The following SMYD3 variants were observed in gnomAD, a reference collection of about 807,000 sequenced individuals.
SMYD3 encodes SET and MYND domain containing 3.
SMYD3 carries 36 observed loss-of-function variants against 57.7 expected under a neutral mutation model. The ratio of observed to expected loss-of-function variants is 0.62; its 90% CI spans 0.48 to 0.82. The LOEUF (loss-of-function observed/expected upper bound fraction) is 0.82. Ranked by LOEUF, SMYD3 falls within the 40% of genes least tolerant of loss-of-function variation. The probability of loss-of-function intolerance (pLI) is 0.00; values close to 1 mark genes in which losing one functional copy is unlikely to be tolerated. For missense variants in SMYD3, 515 were observed against 538.8 expected, an observed-to-expected ratio of 0.96 and a Z score of 0.44; for synonymous variants, 211 against 195.0, an observed-to-expected ratio of 1.08 and a Z score of -0.68.
intron 5 of SMYD3, among the ~76,000 whole-genome samples, chr1:246,323,390 T>TA (rs1248468365): frequency 2.0e-5 from 3 of 152,028 alleles, no homozygotes; most frequent in African/African-American, 7.3e-5. Context: ...ATTTTCCAGG[T>TA]AAAATTAAGG....
chr1:246,140,605 C>T (rs1229120747), intron 5 of SMYD3, among the ~76,000 whole-genome samples: 1 of 152,002 alleles, frequency 6.6e-6, no homozygotes, highest in African/African-American at 2.4e-5. Context: ...GAAGGAAATG[C>T]TATTTATTTA....
chr1:245,777,267 C>T (rs757272548), intron 10 of SMYD3, among the ~76,000 whole-genome samples: 3 of 152,076 alleles, frequency 2.0e-5, no homozygotes, highest in Non-Finnish European at 2.9e-5. Flanking sequence ...CTTATTCAAG[C>T]AGACTCTGGT....
At chr1:246,440,762 T>C (rs2067450433) in intron 1 of SMYD3, among the ~76,000 whole-genome samples, 1 of 152,136 alleles carries the variant, frequency 6.6e-6, no homozygotes, top group Non-Finnish European at 1.5e-5. Context: ...ACTGTGAGCT[T>C]TCACAGAAAG....
At chr1:246,022,701 T>C (rs1269166753) in intron 5 of SMYD3, among the ~76,000 whole-genome samples, 1 of 152,220 alleles carries the variant, frequency 6.6e-6, no homozygotes, top group Non-Finnish European at 1.5e-5. Flanking sequence ...GTATAACTAA[T>C]ATAACTCTGC....
chr1:245,937,666 C>A (rs1021359260), intron 5 of SMYD3, among the ~76,000 whole-genome samples: 1 of 152,214 alleles, frequency 6.6e-6, no homozygotes. Context: ...TCACATCTAC[C>A]AATTTCATTT....
At chr1:245,798,714 C>G (rs991646014) in intron 10 of SMYD3, among the ~76,000 whole-genome samples, 1 of 152,122 alleles carries the variant, frequency 6.6e-6, no homozygotes, top group Non-Finnish European at 1.5e-5. Context: ...CCTGTGCCTC[C>G]TGTTGCTCCC....
At chr1:245,999,880 T>TG (rs2059006613) in intron 5 of SMYD3, among the ~76,000 whole-genome samples, 1 of 152,236 alleles carries the variant, frequency 6.6e-6, no homozygotes, top group Non-Finnish European at 1.5e-5. Context: ...AATGACTTAC[T>TG]TTGCTTACTT....
intron 5 of SMYD3, among the ~76,000 whole-genome samples, chr1:246,255,933 GATAGATAGATAGATAGATAGATA>G (rs2063879996): frequency 3.4e-5 from 4 of 117,990 alleles, no homozygotes; most frequent in African/African-American, 6.0e-5. Context: ...TAATAAGATA[GATAGATAGATAGATAGATAGATA>G]GATAGATAGA....
chr1:245,972,923 C>T (rs934740847), intron 5 of SMYD3, among the ~76,000 whole-genome samples: 5 of 152,160 alleles, frequency 3.3e-5, no homozygotes, highest in South Asian at 2.1e-4. Flanking sequence ...CCCTTTGTTA[C>T]GAGAACCTGG....
intron 1 of SMYD3, among the ~76,000 whole-genome samples, chr1:246,410,344 C>G (rs1314434585): frequency 6.6e-6 from 1 of 151,980 alleles, no homozygotes; most frequent in Non-Finnish European, 1.5e-5. Context: ...AGATACGTCC[C>G]ATCAATACCT....
chr1:246,079,999 G>A lies in SMYD3; in HGVS notation c.532-150062C>T, dbSNP rs559856160. ...TAAGGAAAATTTCAATCTGTGTGAA[G>A]AAGAGAAGGCTTTAATTTTTCAACC... On this transcript the variant is annotated intron_variant, in intron 5 of 11. Coordinates refer to ENST00000490107, the MANE Select transcript of SMYD3 (RefSeq NM_001167740.2). Among the ~76,000 whole-genome samples, 77 of 152,306 alleles carry A rather than the reference G, an allele frequency of 5.1e-4. 2 individuals carry two copies. The South Asian group carries it at 0.015, about 29-fold the overall frequency.
intron 5 of SMYD3, among the ~76,000 whole-genome samples, chr1:245,986,625 C>T (rs764836337): frequency 1.8e-4 from 28 of 152,122 alleles, no homozygotes; most frequent in Non-Finnish European, 3.1e-4. Flanking sequence ...TCTTCAGTGA[C>T]GGTTTTACTG....
intron 8 of SMYD3, among the ~76,000 whole-genome samples, chr1:245,905,279 C>G (rs985257250): frequency 6.6e-6 from 1 of 152,036 alleles, no homozygotes; most frequent in East Asian, 1.9e-4. Context: ...AGAATGGGTT[C>G]CTGGGGTCCC....
At chr1:245,954,717 A>G (rs540624277) in intron 5 of SMYD3, among the ~76,000 whole-genome samples, 1 of 152,248 alleles carries the variant, frequency 6.6e-6, no homozygotes, top group South Asian at 2.1e-4. Context: ...TTTATTCCAA[A>G]TTCATGTGCT....
intron 10 of SMYD3, among the ~76,000 whole-genome samples, chr1:245,793,279 A>G (rs960009719): frequency 1.3e-5 from 2 of 151,926 alleles, no homozygotes; most frequent in South Asian, 2.1e-4. Flanking sequence ...ACTGCACTCC[A>G]GCTTGGGCGA....
At chr1:246,446,033 C>A (rs2067546983) in intron 1 of SMYD3, among the ~76,000 whole-genome samples, 1 of 152,194 alleles carries the variant, frequency 6.6e-6, no homozygotes, top group African/African-American at 2.4e-5. Context: ...TACTTTTAAA[C>A]CTTCACTAGA....
rs74163449 is a variant in SMYD3, at chr1:246,472,853, CTTTTTTT to C, written c.164+34194_164+34200del. 1.2e-3 allele frequency among the ~76,000 whole-genome samples: 120 copies of C among 102,926 alleles called. 1 individual carries two copies. In the East Asian group the frequency reaches 0.027, roughly 23 times the overall value. The allele number at this position is 102,926 out of a possible 152,430, so 67.5% of individuals were successfully genotyped here. The stretch of plus-strand genomic sequence containing the variant: ...GTCTCCCGCAGTTACTCTCAAATTT[CTTTTTTT>C]TTTTTTTTTTTTTTTGAGACAGAGT... On this transcript the variant is annotated intron_variant, in intron 1 of 11. Coordinates refer to ENST00000490107, the MANE Select transcript of SMYD3 (RefSeq NM_001167740.2).
At chr1:246,316,375 T>TG (rs2065157196) in intron 5 of SMYD3, among the ~76,000 whole-genome samples, 1 of 150,944 alleles carries the variant, frequency 6.6e-6, no homozygotes, top group South Asian at 2.1e-4. Flanking sequence ...TTTTTTTTTT[T>TG]TTTGAGAGAG....
chr1:246,367,590 G>A (rs550404014), intron 1 of SMYD3, among the ~76,000 whole-genome samples: 21 of 152,156 alleles, frequency 1.4e-4, no homozygotes, highest in African/African-American at 4.1e-4. Flanking sequence ...GCACAAACAC[G>A]CCCAGCTAAT....
Sources: allele counts gnomAD v4.1 joint callset (sites outside exome capture counted in the v4.1 genomes callset), GRCh38; gene constraint gnomAD v4.1.1; transcripts MANE v1.5; gene names NCBI Gene and HGNC (gene_info 2026-07-23, HGNC 2026-07-21).